MICAL3: variants seen among roughly 807,000 people sequenced by gnomAD.
The protein encoded by MICAL3 is [F-actin]-monooxygenase MICAL3.
A neutral mutation model predicts 207.4 loss-of-function variants in MICAL3; 62 were observed. That is an observed-to-expected ratio of 0.30 (90% CI 0.24 to 0.37). The LOEUF (loss-of-function observed/expected upper bound fraction) is 0.37. Among genes scored for constraint, MICAL3 ranks in the 10% least tolerant of loss-of-function variants. The pLI, the probability that MICAL3 is intolerant of heterozygous loss-of-function variation, is 1.00. For missense variants in MICAL3, 2,368 were observed against 2,635.6 expected (o/e 0.90, Z 2.22); for synonymous variants, 1,077 against 1,069.3 (o/e 1.01, Z -0.14).
intron 1 of MICAL3, among the ~76,000 whole-genome samples, chr22:17,936,525 G>T (rs539823923): frequency 1.3e-5 from 2 of 150,310 alleles, no homozygotes; most frequent in Admixed American, 1.3e-4. Context: ...GTATACCTAC[G>T]TATCAAACCT....
At chr22:17,878,726 G>A (rs1929130181) in intron 16 of MICAL3, among the ~76,000 whole-genome samples, 2 of 152,140 alleles carry the variant, frequency 1.3e-5, no homozygotes, top group Non-Finnish European at 2.9e-5. Flanking sequence ...CTTTAACTGG[G>A]CATCTCGGCT....
intron 12 of MICAL3, among the ~76,000 whole-genome samples, chr22:17,889,716 A>G (rs1930235429): frequency 6.6e-6 from 1 of 152,206 alleles, no homozygotes; most frequent in Non-Finnish European, 1.5e-5. Flanking sequence ...CTGAGGCAGG[A>G]GAATCACTTG....
intron 8 of MICAL3, 96 bp from the exon 9 acceptor site, chr22:17,896,457 G>T: frequency 1.2e-6 from 1 of 836,972 alleles, no homozygotes. Flanking sequence ...GTCGACAGTA[G>T]TGTTTGGCAA....
chr22:17,799,741 T>C (rs1271010791), intron 29 of MICAL3, among the ~76,000 whole-genome samples: 5 of 152,062 alleles, frequency 3.3e-5, no homozygotes, highest in African/African-American at 1.2e-4. Flanking sequence ...GCAGCTGTCA[T>C]GACAGGGTGA....
chr22:17,814,329 C>T (rs2062079534), intron 27 of MICAL3: 1 of 152,226 alleles, frequency 6.6e-6, no homozygotes, highest in Admixed American at 6.5e-5. Flanking sequence ...TTTATATGAC[C>T]TTTTGTAATG....
At chr22:17,951,020 G>A (rs553481526) in intron 1 of MICAL3, among the ~76,000 whole-genome samples, 113 of 152,288 alleles carry the variant, frequency 7.4e-4, no homozygotes, top group Non-Finnish European at 1.2e-3. Flanking sequence ...CTCCTACCAC[G>A]GGTCTTCCGG....
chr22:17,847,636 C>A lies in MICAL3; in HGVS notation c.2606-5619G>T, dbSNP rs76519998. Among the ~76,000 whole-genome samples, 359 of 152,270 alleles carry A rather than the reference C, an allele frequency of 2.4e-3. 1 individual carries two copies. The highest frequency in any genetic ancestry group is 8.3e-3 in the African/African-American group (344 of 41,542). Reference sequence around the variant, plus strand: ...GGGGCCGACCGTGACCACCTTCCGGCGTCACCTTCCCGCAAGAATGGCGCT... The same window carrying A: ...GGGGCCGACCGTGACCACCTTCCGGAGTCACCTTCCCGCAAGAATGGCGCT... On this transcript the variant is annotated intron_variant, in intron 19 of 31. Transcript: ENST00000441493.
intron 1 of MICAL3, among the ~76,000 whole-genome samples, chr22:18,016,047 G>A (rs569307165): frequency 2.0e-5 from 3 of 152,002 alleles, no homozygotes; most frequent in African/African-American, 4.8e-5. Flanking sequence ...GTAATTATAT[G>A]GCTTTTCCTA....
intron 1 of MICAL3, among the ~76,000 whole-genome samples, chr22:17,993,776 G>A (rs1921958341): frequency 1.3e-5 from 2 of 152,162 alleles, no homozygotes; most frequent in Admixed American, 1.3e-4. Flanking sequence ...GCACTTCAGA[G>A]AGAGAACTCA....
intron 16 of MICAL3, among the ~76,000 whole-genome samples, chr22:17,880,632 G>A (rs1251687662): frequency 1.3e-5 from 2 of 148,906 alleles, no homozygotes; most frequent in Admixed American, 1.3e-4. Flanking sequence ...GCAGACACAC[G>A]CCTGCTGTCC....
At chr22:17,931,092 C>T (rs917471394) in intron 1 of MICAL3, among the ~76,000 whole-genome samples, 2 of 152,178 alleles carry the variant, frequency 1.3e-5, no homozygotes, top group Admixed American at 6.5e-5. Flanking sequence ...GTGAGTGACC[C>T]CTCTCTGACA....
At position 17,896,408 on chromosome 22, in the gene MICAL3, C is replaced by A. The variant is rs778259487; in HGVS notation, c.1207-47G>T. On this transcript the variant is annotated intron_variant, in intron 8 of 31. Coordinates refer to ENST00000441493, the MANE Select transcript of MICAL3 (RefSeq NM_015241.3). ...AATAATTAAAATATAACACACCTTT[C>A]AAAATGGGAAAAATAAACTAAGGAA... 6 of 1,139,638 alleles carry A rather than the reference C, an allele frequency of 5.3e-6. No homozygotes were observed. The South Asian group carries it at 8.2e-5, about 16-fold the overall frequency. The allele number at this position is 1,139,638 out of a possible 1,614,324, so 70.6% of individuals were successfully genotyped here. A position where few individuals can be genotyped will look rare whatever the true frequency, so the allele number is the denominator to read the frequency against.
intron 1 of MICAL3, among the ~76,000 whole-genome samples, chr22:17,994,027 G>A (rs1186747856): frequency 6.6e-6 from 1 of 152,196 alleles, no homozygotes; most frequent in Admixed American, 6.5e-5. Context: ...TGTCCGCTGT[G>A]GTGAGGACTG....
chr22:17,846,650 C>T (rs528915581), intron 19 of MICAL3, among the ~76,000 whole-genome samples: 88 of 152,272 alleles, frequency 5.8e-4, no homozygotes, highest in African/African-American at 1.9e-3. Flanking sequence ...ATTGCCAAGC[C>T]GAAGTGCACC....
At chr22:17,838,456 GTGCTGTACCAGGAGAGTAACAGGAGC>G (rs1339062643) in intron 20 of MICAL3, among the ~76,000 whole-genome samples, 1 of 152,114 alleles carries the variant, frequency 6.6e-6, no homozygotes, top group Non-Finnish European at 1.5e-5. Context: ...AGGGAGACCT[GTGCTGTACCAGGAGAGTAACAGGAGC>G]AGTAACTCCG....
chr22:18,024,200 G>GT (rs1226619293), intron 1 of MICAL3, 81 bp downstream of exon 1: 1 of 152,296 alleles, frequency 6.6e-6, no homozygotes, highest in Non-Finnish European at 1.5e-5. Context: ...CTAAATAAAT[G>GT]ATTCTTAGAA....
intron 19 of MICAL3, chr22:17,864,612 G>A (rs751298686): frequency 5.8e-6 from 9 of 1,541,412 alleles, no homozygotes; most frequent in Non-Finnish European, 7.0e-6. Flanking sequence ...ACGGGGCTGA[G>A]GGACAGCACT....
At chr22:17,897,381 C>T (rs1276831006) in intron 7 of MICAL3, among the ~76,000 whole-genome samples, 3 of 143,064 alleles carry the variant, frequency 2.1e-5, no homozygotes, top group Non-Finnish European at 4.5e-5. Flanking sequence ...TGAGACAGCA[C>T]CACTGCACTC....
At chr22:17,981,882 C>G (rs546631230) in intron 1 of MICAL3, among the ~76,000 whole-genome samples, 3 of 152,070 alleles carry the variant, frequency 2.0e-5, no homozygotes, top group Non-Finnish European at 1.5e-5. Context: ...GTACAAGGAT[C>G]GCTTGAGCCC....
Sources: gnomAD v4.1 joint callset for allele counts (sites outside exome capture counted in the v4.1 genomes callset) on GRCh38, gnomAD v4.1.1 for gene constraint, MANE v1.5 for transcripts, NCBI Gene and HGNC (gene_info 2026-07-23, HGNC 2026-07-21) for gene names.